Variants in GABRB1 observed in about 807,000 individuals in gnomAD.
GABRB1 encodes the protein gamma-aminobutyric acid type A receptor subunit beta1.
Under a neutral mutation model 51.6 loss-of-function variants are expected in GABRB1, and 17 were observed. The ratio of observed to expected loss-of-function variants is 0.33; its 90% CI spans 0.23 to 0.49. The LOEUF (loss-of-function observed/expected upper bound fraction) is 0.49. GABRB1 is among the 20% of genes least tolerant of loss of function. The pLI is 0.99. For missense variants in GABRB1, 410 were observed against 600.6 expected, an observed-to-expected ratio of 0.68 and a Z score of 3.32; for synonymous variants, 247 against 218.9, an observed-to-expected ratio of 1.13 and a Z score of -1.14.
chr4:47,263,565 G>T (rs1419757827), intron 4 of GABRB1, among the ~76,000 whole-genome samples: 1 of 152,162 alleles, frequency 6.6e-6, no homozygotes, highest in African/African-American at 2.4e-5. Context: ...GTTAAACACA[G>T]AGGAGTGAAT....
intron 4 of GABRB1, among the ~76,000 whole-genome samples, chr4:47,300,884 G>C (rs563375197): frequency 1.3e-5 from 2 of 152,068 alleles, no homozygotes; most frequent in South Asian, 2.1e-4. Context: ...ACATACATAT[G>C]TATATATGTA....
chr4:47,114,613 T>C (rs1489251721), intron 3 of GABRB1, among the ~76,000 whole-genome samples: 1 of 152,198 alleles, frequency 6.6e-6, no homozygotes, highest in African/African-American at 2.4e-5. Flanking sequence ...CTTTGTTAGT[T>C]TGTAGCATTA....
intron 4 of GABRB1, among the ~76,000 whole-genome samples, chr4:47,250,835 G>T (rs3098796): frequency 0.88 from 134,584 of 152,202 alleles, 59,742 homozygotes; most frequent in East Asian, 0.98. Context: ...TCCTTGAATG[G>T]TTCTCCCTTC....
intron 3 of GABRB1, among the ~76,000 whole-genome samples, chr4:47,138,293 A>G (rs1439226488): frequency 1.3e-5 from 2 of 152,058 alleles, no homozygotes; most frequent in African/African-American, 4.8e-5. Context: ...GGTGGCTTTT[A>G]TCGATTTGTA....
intron 5 of GABRB1, among the ~76,000 whole-genome samples, chr4:47,360,796 C>T (rs1003337389): frequency 3.3e-5 from 5 of 152,014 alleles, no homozygotes; most frequent in Admixed American, 3.3e-4. Context: ...CAAGAATCCA[C>T]ATAATTAAGA....
intron 3 of GABRB1, chr4:47,032,865 C>G: frequency 2.5e-6 from 1 of 408,072 alleles, no homozygotes; most frequent in Non-Finnish European, 5.0e-6. Context: ...GGTCGGCAGC[C>G]ATCACCTCCC....
rs576551456 is a variant in GABRB1, at chr4:47,132,229, T to C, written c.241-29020T>C. ...TTTTCTTGTTGAAAATATCAATCAC[T>C]GTTTATGTTGTATGCTAACTTTCTT... On this transcript the variant is annotated intron_variant, in intron 3 of 8. Transcript: ENST00000295454. Among the ~76,000 whole-genome samples, 14 of 152,344 alleles carry C rather than the reference T, an allele frequency of 9.2e-5. No homozygotes were observed. The East Asian group carries it at 2.1e-3, about 23-fold the overall frequency.
At chr4:47,001,909 G>A (rs1024310309) in intron 1 of GABRB1, among the ~76,000 whole-genome samples, 3 of 152,106 alleles carry the variant, frequency 2.0e-5, no homozygotes, top group African/African-American at 7.2e-5. Context: ...CCATTAAATT[G>A]TTCCAAAAAG....
chr4:47,311,306 G>T (rs1328558297), intron 4 of GABRB1, among the ~76,000 whole-genome samples: 1 of 151,204 alleles, frequency 6.6e-6, no homozygotes, highest in Non-Finnish European at 1.5e-5. Flanking sequence ...CAGCTACTGG[G>T]GAGGCTGAGG....
At chr4:47,018,093 TCCTCCTCTG>T (rs1320879023) in intron 1 of GABRB1, among the ~76,000 whole-genome samples, 2 of 151,660 alleles carry the variant, frequency 1.3e-5, no homozygotes, top group Non-Finnish European at 2.9e-5. Flanking sequence ...TTCTCCCTCT[TCCTCCTCTG>T]CCTCCTCTTC....
At chr4:47,344,716 TTTTTTTG>T (rs952863216) in intron 5 of GABRB1, among the ~76,000 whole-genome samples, 3 of 150,224 alleles carry the variant, frequency 2.0e-5, no homozygotes, top group African/African-American at 4.9e-5. Context: ...TGTGTGTGTG[TTTTTTTG>T]TTTTTTGTTT....
At chr4:47,378,251 A>T (rs2110026197) in intron 5 of GABRB1, among the ~76,000 whole-genome samples, 1 of 152,322 alleles carries the variant, frequency 6.6e-6, no homozygotes, top group African/African-American at 2.4e-5. Flanking sequence ...GTGGGCCAGC[A>T]CTGATGGGGG....
At chr4:47,321,329 C>G (rs1318077145) in intron 5 of GABRB1, among the ~76,000 whole-genome samples, 1 of 152,126 alleles carries the variant, frequency 6.6e-6, no homozygotes, top group Non-Finnish European at 1.5e-5. Flanking sequence ...TGAGCAATTA[C>G]ATTAACTTTC....
chr4:47,286,228 A>G lies in GABRB1; in HGVS notation c.462-33899A>G, dbSNP rs558336545. Among the ~76,000 whole-genome samples the G allele has an allele frequency of 2.6e-5, 4 of 152,282 alleles. No individual in the cohort carries two copies. In the South Asian group the frequency reaches 8.3e-4, roughly 32 times the overall value. ...TTCCTTCCTCCACAGACTAATAAAC[A>G]TGTTACAACTTCCCTGAAGCCTATA... On this transcript the variant is annotated intron_variant, in intron 4 of 8. Transcript: ENST00000295454.
chr4:47,290,768 A>G (rs538949364), intron 4 of GABRB1, among the ~76,000 whole-genome samples: 1 of 152,260 alleles, frequency 6.6e-6, no homozygotes, highest in East Asian at 1.9e-4. Flanking sequence ...AGATCGGTGG[A>G]ACTGTGAACT....
intron 5 of GABRB1, among the ~76,000 whole-genome samples, chr4:47,330,721 A>C (rs1279522055): frequency 1.3e-5 from 2 of 152,180 alleles, no homozygotes; most frequent in Non-Finnish European, 2.9e-5. Flanking sequence ...CTGGGAGTTT[A>C]TTAAATTTAG....
chr4:47,032,504 G>T lies in GABRB1; in HGVS notation c.240+20G>T. 6.2e-7 allele frequency: 1 copy of T among 1,612,428 alleles called. No individual in the cohort carries two copies. The highest frequency in any genetic ancestry group is 8.5e-7 in the Non-Finnish European group (1 of 1,178,568). On this transcript the variant is annotated intron_variant, in intron 3 of 8. Coordinates refer to ENST00000295454, the MANE Select transcript of GABRB1 (RefSeq NM_000812.4). ...AATATGGTGAGTGGCCTCCCGAGGG[G>T]CCCGGCGGTTCGGCTTACGCAGATG...
At chr4:47,378,195 C>T (rs997342191) in intron 5 of GABRB1, among the ~76,000 whole-genome samples, 3 of 152,328 alleles carry the variant, frequency 2.0e-5, no homozygotes, top group South Asian at 2.1e-4. Flanking sequence ...AACCCTGCCC[C>T]GCGGGAAGGC....
At chr4:47,264,306 G>A (rs1387076560) in intron 4 of GABRB1, among the ~76,000 whole-genome samples, 3 of 152,266 alleles carry the variant, frequency 2.0e-5, no homozygotes, top group Admixed American at 2.0e-4. Flanking sequence ...AGCATTCAAA[G>A]GCTAGAAGAG....
Sources: allele counts gnomAD v4.1 joint callset (sites outside exome capture counted in the v4.1 genomes callset), GRCh38; gene constraint gnomAD v4.1.1; transcripts MANE v1.5; gene names NCBI Gene and HGNC (gene_info 2026-07-23, HGNC 2026-07-21).